Variants in ARMC2 observed in about 807,000 individuals in gnomAD.
ARMC2 encodes armadillo repeat-containing protein 2.
Under a neutral mutation model 90.3 loss-of-function variants are expected in ARMC2, and 67 were observed. That is an observed-to-expected ratio of 0.74 (90% confidence interval 0.61 to 0.91). ARMC2 has a LOEUF of 0.91. Ranked by LOEUF, ARMC2 falls within the 40% of genes least tolerant of loss-of-function variation. The probability of loss-of-function intolerance (pLI) is 0.00; values close to 1 mark genes in which losing one functional copy is unlikely to be tolerated. For missense variants in ARMC2, 920 were observed against 1,030.9 expected (o/e 0.89, Z 1.47); for synonymous variants, 393 against 393.0 (o/e 1.00, Z 0.00).
chr6:108,876,148 A>G lies in ARMC2; in HGVS notation c.469A>G (p.Lys157Glu). 1 of 1,605,950 alleles carries G rather than the reference A, an allele frequency of 6.2e-7. No homozygotes were observed. ...TTTTCTTGGTTATATTGCAGCAAAG[A>G]AGACAGTGGAATCCAAAGAAACAGT... Reference protein sequence around the residue: ...DRSLPPSDSKKTVESKETVMM... With the variant: ...DRSLPPSDSKETVESKETVMM... The change falls in exon 5 of 18, where the codon AAG (lysine) becomes GAG (glutamate). Residue 157 changes from lysine to glutamate, a missense_variant. Transcript: ENST00000392644.
chr6:109,013,628 T>A, the ARMC2 span, among the ~76,000 whole-genome samples: 3 of 152,204 alleles, frequency 2.0e-5, no homozygotes, highest in Non-Finnish European at 4.4e-5. Flanking sequence ...GTACTATAGA[T>A]TTGCACATCT....
chr6:108,884,448 A>T (rs541772383), intron 5 of ARMC2, among the ~76,000 whole-genome samples: 1 of 152,378 alleles, frequency 6.6e-6, no homozygotes, highest in South Asian at 2.1e-4. Context: ...GAAAGAAGGT[A>T]TACTGAAAAT....
chr6:109,002,418 A>T, the ARMC2 span: 1 of 1,164,604 alleles, frequency 8.6e-7, no homozygotes, highest in African/African-American at 1.5e-5. Context: ...AATGGGAGGG[A>T]AAAACAACCA....
chr6:109,010,812 C>T, the ARMC2 span, among the ~76,000 whole-genome samples: 1 of 152,026 alleles, frequency 6.6e-6, no homozygotes, highest in Non-Finnish European at 1.5e-5. Flanking sequence ...TGAGCACAGC[C>T]ACAAAAACAA....
At chr6:108,911,675 A>G (rs1032976441) in intron 9 of ARMC2, among the ~76,000 whole-genome samples, 1 of 152,198 alleles carries the variant, frequency 6.6e-6, no homozygotes, top group South Asian at 2.1e-4. Flanking sequence ...ACTGAAAGAA[A>G]TGTCTAATGT....
chr6:108,928,033 T>A, intron 10 of ARMC2, 55 bp from the exon 11 acceptor site: 1 of 1,518,302 alleles, frequency 6.6e-7, no homozygotes, highest in Non-Finnish European at 8.9e-7. Context: ...TGCTGTTTCG[T>A]GTGGTTATAT....
At chr6:108,982,818 T>C in the ARMC2 span, among the ~76,000 whole-genome samples, 1 of 149,918 alleles carries the variant, frequency 6.7e-6, no homozygotes, top group Admixed American at 6.6e-5. Flanking sequence ...TTTTCTTTTT[T>C]TTTTTTTTTT....
chr6:108,936,871 CT>C (rs1775999488), intron 11 of ARMC2, 28 bp from the exon 12 acceptor site: 1 of 1,534,418 alleles, frequency 6.5e-7, no homozygotes, highest in Non-Finnish European at 8.9e-7. Flanking sequence ...CAAAGTTTAC[CT>C]TTATTTTCCC....
intron 11 of ARMC2, among the ~76,000 whole-genome samples, chr6:108,933,773 G>A (rs1410615843): frequency 2.0e-5 from 3 of 152,102 alleles, no homozygotes; most frequent in Non-Finnish European, 4.4e-5. Context: ...TCCAGCTTTT[G>A]CCCATTTAGT....
At chr6:108,869,741 C>T (rs555528292) in intron 4 of ARMC2, among the ~76,000 whole-genome samples, 6 of 152,064 alleles carry the variant, frequency 3.9e-5, no homozygotes. Context: ...CTGAGAATTG[C>T]TGCCAGGCAC....
intron 3 of ARMC2, among the ~76,000 whole-genome samples, chr6:108,861,166 A>C (rs1775199269): frequency 1.3e-5 from 2 of 152,150 alleles, no homozygotes; most frequent in South Asian, 4.1e-4. Flanking sequence ...CTTCCCTTCT[A>C]CCTCTGCTAC....
At chr6:108,854,135 GA>G in intron 1 of ARMC2, 89 bp from the exon 2 acceptor site, 2 of 645,492 alleles carry the variant, frequency 3.1e-6, no homozygotes, top group Non-Finnish European at 5.2e-6. Context: ...TAATATAGAG[GA>G]ATGATTTAGT....
the ARMC2 span, among the ~76,000 whole-genome samples, chr6:109,029,973 A>T: frequency 1.3e-5 from 2 of 152,348 alleles, no homozygotes; most frequent in South Asian, 4.1e-4. Flanking sequence ...CATGACAGAT[A>T]ACATAAGGTC....
chr6:108,965,228 T>C, intron 17 of ARMC2, 88 bp downstream of exon 17: 2 of 1,136,942 alleles, frequency 1.8e-6, no homozygotes, highest in South Asian at 3.5e-5. Context: ...AATATTAGTA[T>C]GCATTTAGGT....
At chr6:108,968,764 T>G (rs557119225) in intron 17 of ARMC2, among the ~76,000 whole-genome samples, 3 of 152,228 alleles carry the variant, frequency 2.0e-5, no homozygotes, top group Non-Finnish European at 4.4e-5. Flanking sequence ...TGTTGAAGTA[T>G]GAACACTGTT....
chr6:109,031,773 T>C, the ARMC2 span, among the ~76,000 whole-genome samples: 1 of 152,156 alleles, frequency 6.6e-6, no homozygotes, highest in East Asian at 1.9e-4. Context: ...TAAAGAAGTA[T>C]ATAGTCAGGA....
the ARMC2 span, chr6:108,999,855 C>T: frequency 0.072 from 10,938 of 152,116 alleles, 891 homozygotes; most frequent in African/African-American, 0.2. Flanking sequence ...CAGCTTTATC[C>T]GTAATTGCCC....
At chr6:108,990,276 T>C in the ARMC2 span, among the ~76,000 whole-genome samples, 1 of 152,164 alleles carries the variant, frequency 6.6e-6, no homozygotes, top group Admixed American at 6.5e-5. Flanking sequence ...AATATAAGGG[T>C]ACTGATTTCC....
intron 10 of ARMC2, among the ~76,000 whole-genome samples, chr6:108,926,044 A>G (rs931627625): frequency 6.6e-6 from 1 of 152,156 alleles, no homozygotes; most frequent in Non-Finnish European, 1.5e-5. Flanking sequence ...AAGAAAATAA[A>G]AGCTCCTAAG....
Sources: allele counts gnomAD v4.1 joint callset (sites outside exome capture counted in the v4.1 genomes callset), GRCh38; gene constraint gnomAD v4.1.1; transcripts MANE v1.5; gene names NCBI Gene and HGNC (gene_info 2026-07-23, HGNC 2026-07-21).